The following CNTNAP1 variants were observed in gnomAD, a reference collection of about 807,000 sequenced individuals.
The protein encoded by CNTNAP1 is contactin associated protein 1.
In CNTNAP1, 80 loss-of-function variants were observed where a neutral mutation model predicts 161.5. That is an observed-to-expected ratio of 0.50 (90% CI 0.41 to 0.60). The LOEUF is 0.60. Among genes scored for constraint, CNTNAP1 ranks in the 20% least tolerant of loss-of-function variants. The pLI, the probability that CNTNAP1 is intolerant of heterozygous loss-of-function variation, is 0.00. For synonymous variants in CNTNAP1, 695 were observed against 733.1 expected (o/e 0.95, Z 0.84); for missense variants, 1,464 against 1,854.8 (o/e 0.79, Z 3.87).
In CNTNAP1 at chr17:42,691,692, C is replaced by T. The variant is rs547163115; in HGVS notation, c.2345-114C>T. 48 of 1,345,024 alleles carry T rather than the reference C, an allele frequency of 3.6e-5. No individual in the cohort carries two copies. The South Asian group carries it at 4.9e-4, about 14-fold the overall frequency. 83.3% of individuals were successfully genotyped at this position (1,345,024 alleles called of 1,614,324 possible). On this transcript the variant is annotated intron_variant, in intron 15 of 23. Transcript: ENST00000264638. The surrounding 1 kb of genome is among the most constrained non-coding windows in gnomAD (Gnocchi z 4.3). ...TCATTCCACTCCTTAGTCTCCCCTCCGTCACCTCAAACCCTCCCCCTTTGC... is the reference window on the plus strand; with the variant it reads ...TCATTCCACTCCTTAGTCTCCCCTCTGTCACCTCAAACCCTCCCCCTTTGC...
intron 2 of CNTNAP1, 34 bp from the exon 3 acceptor site, chr17:42,684,002 G>A (rs1334295612): frequency 3.7e-6 from 6 of 1,613,346 alleles, no homozygotes; most frequent in East Asian, 2.2e-5. Flanking sequence ...TCGGGGAGAG[G>A]GATAGCCGGT....
intron 20 of CNTNAP1, among the ~76,000 whole-genome samples, 186 bp from the exon 21 acceptor site, chr17:42,697,088 G>A (rs1012312770): frequency 5.3e-5 from 8 of 151,822 alleles, no homozygotes; most frequent in Admixed American, 2.6e-4. Flanking sequence ...TAGGCCCAGG[G>A]GTTGCCCACT....
chr17:42,697,557 C>T lies in CNTNAP1; in HGVS notation c.3572C>T (p.Thr1191Ile), dbSNP rs772531609. ...KALYLGRVME[T>I]GVIDPEIQRY... ...TCTGGGCCTGCCTCTCTCTCAGAGA[C>T]AGGAGTCATTGACCCGGAGATCCAG... Residue 1191 changes from threonine (T) to isoleucine (I), a missense_variant, in exon 22 of 24, where the codon ACA becomes ATA. Physicochemically the swap from Thr to Ile is moderately conservative, Grantham distance 89. This residue lies in a region of CNTNAP1 where 1,383 missense variants were observed against 1,765.0 expected (regional missense o/e 0.78). Coordinates refer to ENST00000264638, the MANE Select transcript of CNTNAP1 (RefSeq NM_003632.3). 6.2e-7 allele frequency: 1 copy of T among 1,614,018 alleles called. No homozygotes were observed. Among genetic ancestry groups the T allele is most frequent in the South Asian group, 1.1e-5 (1 of 91,080 alleles).
At chr17:42,683,003 G>C in intron 1 of CNTNAP1, 107 bp downstream of exon 1, 9 of 1,063,626 alleles carry the variant, frequency 8.5e-6, no homozygotes, top group Non-Finnish European at 1.2e-5. Flanking sequence ...CTTCCCGGCC[G>C]GCGCGCGCCC....
intron 18 of CNTNAP1, among the ~76,000 whole-genome samples, chr17:42,695,089 G>A (rs560223113): frequency 2.3e-4 from 35 of 152,220 alleles, no homozygotes; most frequent in African/African-American, 8.2e-4. Context: ...TGGGATTACA[G>A]GCATGCACTA....
At chr17:42,696,324 ATT>A (rs36083265) in intron 20 of CNTNAP1, among the ~76,000 whole-genome samples, 172 bp downstream of exon 20, 606 of 127,482 alleles carry the variant, frequency 4.8e-3, no homozygotes, top group East Asian at 9.8e-3. Flanking sequence ...GACAATAGGC[ATT>A]TTTTTTTTTT....
At chr17:42,698,524 T>G (rs2053181071) in intron 23 of CNTNAP1, 94 bp from the exon 24 acceptor site, 1 of 1,132,408 alleles carries the variant, frequency 8.8e-7, no homozygotes, top group African/African-American at 1.6e-5. Context: ...AGGTGAAATC[T>G]CAAAGAGTGC....
rs776528175 is a variant in CNTNAP1 at position 42,698,871 on chromosome 17, G to A, written c.4116G>A (p.Gln1372=). The A allele has an allele frequency of 2.5e-6, 4 of 1,577,406 alleles. No individual in the cohort carries two copies. In the African/African-American group the frequency reaches 5.4e-5, roughly 21 times the overall value. ...TPAPAPGPRD[Q]NLPQILEESR... is the part of the protein sequence containing the mutation. Reference sequence around the variant, plus strand: ...CCCCAGCCCCTGGCCCCCGGGATCAGAACCTACCCCAGATCCTGGAGGAGT... The same window carrying A: ...CCCCAGCCCCTGGCCCCCGGGATCAAAACCTACCCCAGATCCTGGAGGAGT... Residue 1372 remains glutamine (Q), a synonymous_variant, in exon 24 of 24, where the codon CAG becomes CAA. Transcript: ENST00000264638.
Position 42,687,706 on chromosome 17 carries a change from A to G in CNTNAP1, c.1045-14A>G. 6.2e-7 allele frequency: 1 copy of G among 1,612,428 alleles called. No homozygotes were observed. Among genetic ancestry groups the G allele is most frequent in the Non-Finnish European group, 8.5e-7 (1 of 1,178,758 alleles). On this transcript the variant is annotated splice_polypyrimidine_tract_variant and intron_variant, in intron 7 of 23. Transcript: ENST00000264638. The surrounding 1 kb of genome is among the most constrained non-coding windows in gnomAD (Gnocchi z 4.7). ...GGCTCACGGGTGTTGATGCGTCTTC[A>G]CTTTTGCCCCTAGGGTAAGGTGGCT...
In CNTNAP1 at chr17:42,691,434, A is replaced by G; in HGVS notation, c.2267A>G (p.Gln756Arg). 6.2e-7 allele frequency: 1 copy of G among 1,614,020 alleles called. No individual in the cohort carries two copies. The highest frequency in any genetic ancestry group is 1.1e-5 in the South Asian group (1 of 91,084). The change falls in exon 15 of 24, where the codon CAG becomes CGG. Residue 756 changes from glutamine (Q) to arginine (R), a missense_variant. By Grantham distance (43) the Gln-to-Arg change is conservative. Coordinates refer to ENST00000264638, the MANE Select transcript of CNTNAP1 (RefSeq NM_003632.3). The surrounding 1 kb of genome is among the most constrained non-coding windows in gnomAD (Gnocchi z 4.3). Reference sequence around the variant, plus strand: ...TTTGTGGACCATCTGCCTGTCACTCAGGTAGTGATAGGGGATACGAACCGC... The same window carrying G: ...TTTGTGGACCATCTGCCTGTCACTCGGGTAGTGATAGGGGATACGAACCGC... Reference protein sequence around the residue: ...LTFVDHLPVTQVVIGDTNRST... With the variant: ...LTFVDHLPVTRVVIGDTNRST...
rs371931134 is a variant in CNTNAP1 at position 42,695,819 on chromosome 17, G to A, written c.3291G>A (p.Leu1097=). 3 of 1,614,112 alleles carry A rather than the reference G, an allele frequency of 1.9e-6. No individual in the cohort carries two copies. In the African/African-American group the frequency reaches 4.0e-5, roughly 22 times the overall value. ...SFSTSSAPAV[L]LYVSSFVRDY... is the part of the protein sequence containing the mutation. ...GCACCAGCTCCGCCCCTGCTGTCCT[G>A]CTCTACGTCAGTTCCTTTGTTCGTG... Residue 1097 remains leucine (L), a synonymous_variant, in exon 19 of 24, where the codon CTG becomes CTA. Transcript: ENST00000264638.
At chr17:42,686,384 ATT>A (rs879801620) in intron 6 of CNTNAP1, among the ~76,000 whole-genome samples, 14 of 145,416 alleles carry the variant, frequency 9.6e-5, no homozygotes, top group African/African-American at 1.7e-4. Context: ...ATTTAAAAAA[ATT>A]TTTTTTTTCA....
chr17:42,686,487 T>TTTTTG (rs2053016084), intron 6 of CNTNAP1, among the ~76,000 whole-genome samples: 2 of 146,384 alleles, frequency 1.4e-5, no homozygotes, highest in Non-Finnish European at 3.0e-5. Context: ...TTTTTTTTTT[T>TTTTTG]TTTTTTGTGG....
At chr17:42,693,144 A>T (rs1167367940) in intron 17 of CNTNAP1, among the ~76,000 whole-genome samples, 153 bp from the exon 18 acceptor site, 2 of 151,838 alleles carry the variant, frequency 1.3e-5, no homozygotes, top group East Asian at 1.9e-4. Flanking sequence ...ATTTTTTAGT[A>T]GAGACGGGGT....
rs754458454 is a variant in CNTNAP1 at position 42,687,685 on chromosome 17, C to G, written c.1045-35C>G. 1.2e-5 allele frequency: 19 copies of G among 1,605,246 alleles called. No individual in the cohort carries two copies. The highest frequency in any genetic ancestry group is 1.5e-5 in the Non-Finnish European group (18 of 1,174,286). On this transcript the variant is annotated intron_variant, in intron 7 of 23. Transcript: ENST00000264638. The surrounding 1 kb of genome is among the most constrained non-coding windows in gnomAD (Gnocchi z 4.7). ...ATTCCCAGCTGAGGCAGAGGCGGCT[C>G]ACGGGTGTTGATGCGTCTTCACTTT...
intron 23 of CNTNAP1, 87 bp from the exon 24 acceptor site, chr17:42,698,531 G>C (rs1298592990): frequency 2.6e-6 from 3 of 1,169,078 alleles, no homozygotes; most frequent in South Asian, 1.5e-5. Context: ...ATCTCAAAGA[G>C]TGCGTGTGTG....
chr17:42,698,777 A>C lies in CNTNAP1; in HGVS notation c.4022A>C (p.Gln1341Pro). 1 of 1,612,176 alleles carries C rather than the reference A, an allele frequency of 6.2e-7. No homozygotes were observed. Among genetic ancestry groups the C allele is most frequent in the Non-Finnish European group, 8.5e-7 (1 of 1,179,784 alleles). Residue 1341 changes from glutamine (Q) to proline (P), a missense_variant, in exon 24 of 24, where the codon CAG (glutamine) becomes CCG (proline). By Grantham distance (76) the Gln-to-Pro change is moderately conservative. This residue lies in a region of CNTNAP1 where 1,383 missense variants were observed against 1,765.0 expected (regional missense o/e 0.78). Coordinates refer to ENST00000264638, the MANE Select transcript of CNTNAP1 (RefSeq NM_003632.3). Reference protein sequence around the residue: ...KPPLPTSGPAQVPTPTAAPNQ... With the variant: ...KPPLPTSGPAPVPTPTAAPNQ... ...CCCCTACCCACTTCAGGCCCTGCCCAGGTCCCCACCCCTACAGCAGCTCCC... is the reference window on the plus strand; with the variant it reads ...CCCCTACCCACTTCAGGCCCTGCCCCGGTCCCCACCCCTACAGCAGCTCCC...
In CNTNAP1 at chr17:42,685,437, T is replaced by C; in HGVS notation, c.715+17T>C. On this transcript the variant is annotated intron_variant, in intron 5 of 23. Coordinates refer to ENST00000264638, the MANE Select transcript of CNTNAP1 (RefSeq NM_003632.3). This position sits in a 1 kb window ranked among gnomAD's most constrained non-coding sequence, Gnocchi z 5.0. The stretch of plus-strand genomic sequence containing the variant: ...TGAGCCTGGGTGAGCTCGGCGACCA[T>C]GTGCGATGCGGAGCCAACCCCTGAA... 1 of 1,595,174 alleles carries C rather than the reference T, an allele frequency of 6.3e-7. No homozygotes were observed. The highest frequency in any genetic ancestry group is 1.1e-5 in the South Asian group (1 of 90,608).
At position 42,696,066 on chromosome 17, in the gene CNTNAP1, G is replaced by A. The variant is rs192340009; in HGVS notation, c.3388G>A (p.Val1130Met). The change falls in exon 20 of 24, where the codon GTG becomes ATG. Residue 1130 changes from valine (V) to methionine (M), a missense_variant. Val to Met is a conservative substitution (Grantham distance 21). Transcript: ENST00000264638. ...ATATCAGCTGGGCACCAGTCCCTAC[G>A]TGTACCAGCTAACCACTCGACCAGT... ...LRYQLGTSPY[V>M]YQLTTRPVTD... The A allele has an allele frequency of 1.5e-5, 25 of 1,614,006 alleles. No homozygotes were observed. The East Asian group carries it at 2.2e-4, about 14-fold the overall frequency.
Sources: gnomAD v4.1 joint callset for allele counts (sites outside exome capture counted in the v4.1 genomes callset) on GRCh38, gnomAD v4.1.1 for gene constraint, gnomAD v4.1.1 regional missense constraint, Gnocchi (gnomAD v3.1) non-coding constraint, MANE v1.5 for transcripts, NCBI Gene and HGNC (gene_info 2026-07-23, HGNC 2026-07-21) for gene names.